QTMAN: variants seen among roughly 807,000 people sequenced by gnomAD.
The protein encoded by QTMAN is tRNA-queuosine alpha-mannosyltransferase.
At chr2:144,216,264 T>G in the QTMAN span, among the ~76,000 whole-genome samples, 1 of 151,424 alleles carries the variant, frequency 6.6e-6, no homozygotes, top group Non-Finnish European at 1.5e-5. Flanking sequence ...ATACTCTGTA[T>G]AGTAGAATTA....
the QTMAN span, among the ~76,000 whole-genome samples, chr2:144,148,497 G>A: frequency 6.6e-6 from 1 of 151,830 alleles, no homozygotes; most frequent in Non-Finnish European, 1.5e-5. Flanking sequence ...GAAGTAACAG[G>A]CATTAAATGG....
the QTMAN span, among the ~76,000 whole-genome samples, chr2:144,305,490 T>C: frequency 6.6e-6 from 1 of 152,242 alleles, no homozygotes; most frequent in Non-Finnish European, 1.5e-5. Context: ...TCGCCCTGTT[T>C]TGGGTACTGT....
chr2:144,116,408 T>A, the QTMAN span, among the ~76,000 whole-genome samples: 5 of 152,092 alleles, frequency 3.3e-5, no homozygotes, highest in African/African-American at 1.2e-4. Context: ...ACCATTCAGA[T>A]GTAGTTCCAG....
At chr2:144,292,941 T>C in the QTMAN span, among the ~76,000 whole-genome samples, 3 of 152,142 alleles carry the variant, frequency 2.0e-5, no homozygotes, top group African/African-American at 7.2e-5. Context: ...CAAATGATCA[T>C]ATACATGTTC....
the QTMAN span, among the ~76,000 whole-genome samples, chr2:144,128,840 A>T: frequency 5.9e-5 from 9 of 152,008 alleles, no homozygotes; most frequent in Non-Finnish European, 7.4e-5. Context: ...TACAGTGGAA[A>T]TGTAGTTGAC....
chr2:144,182,828 AATATATATATATT>A, the QTMAN span, among the ~76,000 whole-genome samples: 15 of 67,204 alleles, frequency 2.2e-4, 1 homozygote, highest in Admixed American at 5.0e-4. Flanking sequence ...TTATATATAT[AATATATATATATT>A]ATATATATAT....
the QTMAN span, among the ~76,000 whole-genome samples, chr2:143,995,823 A>T: frequency 7.2e-5 from 11 of 152,334 alleles, no homozygotes. Context: ...TCTAAATAAC[A>T]GACTTGAATA....
the QTMAN span, among the ~76,000 whole-genome samples, chr2:143,977,826 C>CTT: frequency 6.6e-6 from 1 of 152,124 alleles, no homozygotes; most frequent in Admixed American, 6.5e-5. Context: ...TCTCAACTTT[C>CTT]TTTTTAATAG....
At chr2:144,328,612 G>C in the QTMAN span, among the ~76,000 whole-genome samples, 1 of 152,068 alleles carries the variant, frequency 6.6e-6, no homozygotes, top group Admixed American at 6.5e-5. Flanking sequence ...AAATATCTTC[G>C]GTCTGAATAG....
the QTMAN span, among the ~76,000 whole-genome samples, chr2:144,285,771 C>T: frequency 1.3e-5 from 2 of 152,056 alleles, no homozygotes; most frequent in Non-Finnish European, 2.9e-5. Context: ...CATTTTGGCC[C>T]CAGAAAACTG....
the QTMAN span, among the ~76,000 whole-genome samples, chr2:144,332,231 G>T: frequency 6.6e-6 from 1 of 151,684 alleles, no homozygotes; most frequent in African/African-American, 2.4e-5. Flanking sequence ...GGAGCGCAGC[G>T]CGTGCGCCCG....
the QTMAN span, among the ~76,000 whole-genome samples, chr2:144,019,210 A>T: frequency 1.3e-5 from 2 of 152,182 alleles, no homozygotes; most frequent in African/African-American, 4.8e-5. Flanking sequence ...TGGGGCAAAC[A>T]TGCTAGAGCA....
the QTMAN span, among the ~76,000 whole-genome samples, chr2:144,043,129 C>T: frequency 6.6e-6 from 1 of 152,088 alleles, no homozygotes; most frequent in Non-Finnish European, 1.5e-5. Flanking sequence ...AACATCTGAA[C>T]ACCATAGTCA....
chr2:144,038,872 C>T, the QTMAN span, among the ~76,000 whole-genome samples: 2 of 152,124 alleles, frequency 1.3e-5, no homozygotes, highest in African/African-American at 4.8e-5. Context: ...ATATTAAACA[C>T]AACATGTAGA....
At chr2:144,211,937 A>T in the QTMAN span, among the ~76,000 whole-genome samples, 1 of 152,184 alleles carries the variant, frequency 6.6e-6, no homozygotes, top group South Asian at 2.1e-4. Context: ...AGCAAAGGCT[A>T]ATAAGGAGTG....
chr2:144,064,866 T>C, the QTMAN span, among the ~76,000 whole-genome samples: 8 of 152,178 alleles, frequency 5.3e-5, no homozygotes, highest in Admixed American at 3.9e-4. Context: ...ACAACATAGA[T>C]TGACTACATT....
At chr2:144,208,777 C>A in the QTMAN span, 7 of 1,600,060 alleles carry the variant, frequency 4.4e-6, no homozygotes, top group Non-Finnish European at 5.1e-6. Context: ...GATGAGGATA[C>A]TCATTGGCCC....
the QTMAN span, among the ~76,000 whole-genome samples, chr2:143,971,256 CA>C: frequency 2.0e-4 from 31 of 152,036 alleles, no homozygotes; most frequent in African/African-American, 7.5e-4. Flanking sequence ...TTTGTGCCCA[CA>C]AGGAACGCAC....
the QTMAN span, among the ~76,000 whole-genome samples, chr2:144,072,255 G>A: frequency 6.6e-6 from 1 of 152,110 alleles, no homozygotes. Flanking sequence ...GAAAAGAGGT[G>A]TATTTCACAT....
Sources: allele counts gnomAD v4.1 joint callset (sites outside exome capture counted in the v4.1 genomes callset), GRCh38; gene constraint gnomAD v4.1.1; transcripts MANE v1.5; gene names NCBI Gene and HGNC (gene_info 2026-07-23, HGNC 2026-07-21).